DGKB: variants seen among roughly 807,000 people sequenced by gnomAD.
DGKB encodes 90 kDa diacylglycerol kinase.
Under a neutral mutation model 114.3 loss-of-function variants are expected in DGKB, and 67 were observed. The ratio of observed to expected loss-of-function variants is 0.59; its 90% CI spans 0.48 to 0.72. The LOEUF (loss-of-function observed/expected upper bound fraction) is 0.72. DGKB is among the 30% of genes least tolerant of loss of function. The pLI is 0.00. For missense variants in DGKB, 907 were observed against 975.2 expected (o/e 0.93, Z 0.93); for synonymous variants, 398 against 323.1 (o/e 1.23, Z -2.49).
At position 14,210,854 on chromosome 7, in the gene DGKB, G is replaced by A. The variant is rs1787653990; in HGVS notation, c.2123-32703C>T. On this transcript the variant is annotated intron_variant, in intron 23 of 25. Transcript: ENST00000402815. ...GTTACCATAGATGTGTGACACCTCT[G>A]TCTTTGACTTTATAAAGCAAACCCA... 2.0e-5 allele frequency among the ~76,000 whole-genome samples: 3 copies of A among 152,072 alleles called. No homozygotes were observed. The South Asian group carries it at 6.2e-4, about 32-fold the overall frequency.
chr7:14,213,605 T>A (rs1480605626), intron 23 of DGKB, among the ~76,000 whole-genome samples: 1 of 152,170 alleles, frequency 6.6e-6, no homozygotes, highest in Non-Finnish European at 1.5e-5. Flanking sequence ...TCTCCTATGA[T>A]GCAAACCATT....
At chr7:14,922,525 AAG>A (rs1002987404) in intron 1 of DGKB, among the ~76,000 whole-genome samples, 5 of 151,846 alleles carry the variant, frequency 3.3e-5, no homozygotes, top group African/African-American at 1.2e-4. Context: ...GAGATTGAGA[AAG>A]AGAAGTTGGG....
intron 23 of DGKB, among the ~76,000 whole-genome samples, chr7:14,313,209 T>A (rs1044289695): frequency 1.3e-5 from 2 of 152,208 alleles, no homozygotes; most frequent in African/African-American, 4.8e-5. Flanking sequence ...CAACTACATA[T>A]CTGTGTGAGG....
chr7:14,304,046 AACACACACACACAC>A (rs773102280), intron 23 of DGKB, among the ~76,000 whole-genome samples: 6 of 112,668 alleles, frequency 5.3e-5, no homozygotes, highest in African/African-American at 3.5e-5. Flanking sequence ...GTTCTTATAG[AACACACACACACAC>A]ACACACACAC....
chr7:14,791,568 T>C (rs1185219437), intron 2 of DGKB, among the ~76,000 whole-genome samples: 3 of 152,184 alleles, frequency 2.0e-5, no homozygotes, highest in East Asian at 1.9e-4. Context: ...ATGCTCTTTG[T>C]CAAGTTGAGG....
At chr7:14,415,591 G>C (rs1248424659) in intron 21 of DGKB, among the ~76,000 whole-genome samples, 1 of 152,034 alleles carries the variant, frequency 6.6e-6, no homozygotes, top group Non-Finnish European at 1.5e-5. Flanking sequence ...CCCTACAAAG[G>C]ACATGAACTC....
chr7:14,192,179 A>G (rs961350267), intron 23 of DGKB: 5 of 301,948 alleles, frequency 1.7e-5, no homozygotes, highest in East Asian at 8.4e-5. Context: ...AATTGTCCCT[A>G]TTTGTAGATG....
intron 21 of DGKB, among the ~76,000 whole-genome samples, chr7:14,413,666 T>A: frequency 6.6e-6 from 1 of 152,098 alleles, no homozygotes; most frequent in East Asian, 1.9e-4. Flanking sequence ...GGTATCTAAC[T>A]GTAATACATC....
chr7:14,471,537 A>G (rs548571475), intron 21 of DGKB, among the ~76,000 whole-genome samples: 9 of 150,954 alleles, frequency 6.0e-5, no homozygotes, highest in Admixed American at 4.6e-4. Context: ...AAACTAATCT[A>G]TAAGTAATCT....
At chr7:14,154,238 GAAGA>G (rs1782646536) in intron 25 of DGKB, among the ~76,000 whole-genome samples, 1 of 147,168 alleles carries the variant, frequency 6.8e-6, no homozygotes, top group Admixed American at 6.9e-5. Context: ...TTTGCAGAGA[GAAGA>G]AAGAAATTCT....
At chr7:14,831,333 C>T (rs1288684989) in intron 2 of DGKB, among the ~76,000 whole-genome samples, 2 of 151,950 alleles carry the variant, frequency 1.3e-5, no homozygotes, top group Non-Finnish European at 2.9e-5. Flanking sequence ...AGATAATTCT[C>T]AATGTTTCCT....
intron 2 of DGKB, among the ~76,000 whole-genome samples, chr7:14,833,348 A>C (rs2128125953): frequency 6.6e-6 from 1 of 152,254 alleles, no homozygotes; most frequent in South Asian, 2.1e-4. Flanking sequence ...CTACCTCCAA[A>C]ATTAATATTG....
At chr7:14,462,746 A>G (rs1262382407) in intron 21 of DGKB, among the ~76,000 whole-genome samples, 2 of 152,166 alleles carry the variant, frequency 1.3e-5, no homozygotes, top group Non-Finnish European at 1.5e-5. Flanking sequence ...AACTACTTTA[A>G]ATTTCATATG....
chr7:14,271,841 C>T (rs1026188114), intron 23 of DGKB, among the ~76,000 whole-genome samples: 7 of 152,102 alleles, frequency 4.6e-5, no homozygotes, highest in African/African-American at 1.7e-4. Context: ...ACAGGCAAAG[C>T]GTGATTTTCC....
chr7:14,348,338 G>T, intron 21 of DGKB, among the ~76,000 whole-genome samples: 1 of 151,988 alleles, frequency 6.6e-6, no homozygotes, highest in Non-Finnish European at 1.5e-5. Context: ...TTTTATCACT[G>T]AGTAGTAGTA....
At chr7:14,854,617 G>T (rs1460505251) in intron 1 of DGKB, among the ~76,000 whole-genome samples, 1 of 152,168 alleles carries the variant, frequency 6.6e-6, no homozygotes, top group Non-Finnish European at 1.5e-5. Flanking sequence ...TGATCTAACA[G>T]GAGGCGGAGC....
chr7:14,862,274 G>C (rs140683249), intron 1 of DGKB, among the ~76,000 whole-genome samples: 1 of 151,976 alleles, frequency 6.6e-6, no homozygotes, highest in Admixed American at 6.6e-5. Context: ...ACCAGACATA[G>C]TTACCACTGT....
intron 23 of DGKB, among the ~76,000 whole-genome samples, chr7:14,313,820 C>T (rs1434982142): frequency 1.3e-5 from 2 of 152,208 alleles, no homozygotes; most frequent in East Asian, 1.9e-4. Context: ...GGCTCCACCT[C>T]TGGGGGCAGG....
chr7:14,231,630 G>A (rs1289378767), intron 23 of DGKB, among the ~76,000 whole-genome samples: 1 of 151,758 alleles, frequency 6.6e-6, no homozygotes, highest in Non-Finnish European at 1.5e-5. Context: ...ATGTGTGTGT[G>A]AATGTGTGTG....
Sources: gnomAD v4.1 joint callset for allele counts (sites outside exome capture counted in the v4.1 genomes callset) on GRCh38, gnomAD v4.1.1 for gene constraint, MANE v1.5 for transcripts, NCBI Gene and HGNC (gene_info 2026-07-23, HGNC 2026-07-21) for gene names.